CFAP57: variants seen among roughly 807,000 people sequenced by gnomAD.
The protein encoded by CFAP57 is cilia- and flagella-associated protein 57.
A neutral mutation model predicts 146.8 loss-of-function variants in CFAP57; 116 were observed. The observed-to-expected ratio is 0.79, with a 90% CI of 0.68 to 0.92. CFAP57 has a LOEUF of 0.92. CFAP57 is among the 40% of genes least tolerant of loss of function. The pLI is 0.00. For missense variants in CFAP57, 1,377 were observed against 1,527.2 expected, an observed-to-expected ratio of 0.90 and a Z score of 1.64; for synonymous variants, 518 against 552.8, an observed-to-expected ratio of 0.94 and a Z score of 0.88.
rs930287608 is a variant in CFAP57, at chr1:43,243,351, C to G, written c.3530C>G (p.Ser1177Ter). 4 of 1,536,198 alleles carry G rather than the reference C, an allele frequency of 2.6e-6. No homozygotes were observed. The change falls in exon 22 of 23, where the codon TCA becomes TGA. Residue 1177 changes from serine to a stop codon, truncating the protein, a stop_gained. Coordinates refer to ENST00000372492, the MANE Select transcript of CFAP57 (RefSeq NM_001378189.1). LOFTEE classifies it low-confidence loss of function (END_TRUNC). ...LTKKVRPQEV[S>*]ETEPSRDMLS... ...AAGAAAGTCCGACCACAAGAAGTTT[C>G]AGAGACAGGTAATATCACCAGTGGC...
intron 11 of CFAP57, among the ~76,000 whole-genome samples, chr1:43,214,326 C>T (rs1244509952): frequency 6.6e-6 from 1 of 152,188 alleles, no homozygotes; most frequent in Non-Finnish European, 1.5e-5. Context: ...CAGGTCGTCT[C>T]TTCAGTCTGT....
intron 22 of CFAP57, among the ~76,000 whole-genome samples, chr1:43,246,623 T>C (rs982024341): frequency 6.6e-6 from 1 of 152,210 alleles, no homozygotes; most frequent in African/African-American, 2.4e-5. Context: ...TTGGCAATTA[T>C]TTATTTGGCG....
rs1646381335 is a variant in CFAP57 at position 43,253,976 on chromosome 1, G to A, written c.3539-1G>A. 11 of 1,550,354 alleles carry A rather than the reference G, an allele frequency of 7.1e-6. No homozygotes were observed. Among genetic ancestry groups the A allele is most frequent in the South Asian group, 1.2e-5 (1 of 84,048 alleles). On this transcript the variant is annotated splice_acceptor_variant, in intron 22 of 22. Transcript: ENST00000372492. LOFTEE classifies it high-confidence loss of function. ...CACATGAGTCCTGTTGTCTCTTACA[G>A]AACCCAGCAGGGACATGCTCAGCAC...
rs1385774905 is a variant in CFAP57, at chr1:43,199,607, T to A, written c.1542+104T>A. On this transcript the variant is annotated intron_variant, in intron 9 of 22. Coordinates refer to ENST00000372492, the MANE Select transcript of CFAP57 (RefSeq NM_001378189.1). ...AAAAGAGAGATGGTTCCTTTCCTCA[T>A]GGGTTCACTGTCTACTTGGGGAAAG... is the stretch of plus-strand genomic sequence containing the variant. 4.1e-6 allele frequency: 4 copies of A among 986,278 alleles called. No homozygotes were observed. In the East Asian group the frequency reaches 9.7e-5, roughly 24 times the overall value. 61.1% of individuals were successfully genotyped at this position (986,278 alleles called of 1,614,324 possible).
chr1:43,210,948 AAAGT>A (rs1644580510), intron 11 of CFAP57: 1 of 151,750 alleles, frequency 6.6e-6, no homozygotes, highest in Non-Finnish European at 1.5e-5. Flanking sequence ...AAAAAAAAAA[AAAGT>A]AATGTCTATA....
Position 43,209,934 on chromosome 1 carries a change from C to T in CFAP57, c.1929+18C>T. 6.2e-7 allele frequency: 1 copy of T among 1,614,140 alleles called. No individual in the cohort carries two copies. ...TCACCAAGGTGAGCAGGGCCCTCTC[C>T]CCAGGAACCCAGTCCCACACCTGCC... On this transcript the variant is annotated intron_variant, in intron 11 of 22. Transcript: ENST00000372492.
rs557740245 is a variant in CFAP57, at chr1:43,238,180, C to A, written c.3405+3542C>A. ...GGGTTCCAGAAAGATGTCACTGATGCAAGGATTCCAAGTCCATGGAATAAA... is the reference window on the plus strand; with the variant it reads ...GGGTTCCAGAAAGATGTCACTGATGAAAGGATTCCAAGTCCATGGAATAAA... On this transcript the variant is annotated intron_variant, in intron 21 of 22. Transcript: ENST00000372492. The surrounding 1 kb of genome is among the most constrained non-coding windows in gnomAD (Gnocchi z 4.3). Among the ~76,000 whole-genome samples, 15 of 152,246 alleles carry A rather than the reference C, an allele frequency of 9.9e-5. No individual in the cohort carries two copies. In the South Asian group the frequency reaches 1.7e-3, roughly 17 times the overall value.
chr1:43,185,676 T>TAAAAA (rs1643011816), intron 5 of CFAP57, among the ~76,000 whole-genome samples: 1 of 68,576 alleles, frequency 1.5e-5, no homozygotes, highest in African/African-American at 9.0e-5. Flanking sequence ...ACCCCATCTC[T>TAAAAA]ACAAAAAAAA....
chr1:43,186,896 C>T (rs1188471962), intron 6 of CFAP57, 37 bp downstream of exon 6: 36 of 1,613,216 alleles, frequency 2.2e-5, no homozygotes, highest in Non-Finnish European at 2.9e-5. Flanking sequence ...CAGACCAGGA[C>T]CTATCTGCCT....
intron 5 of CFAP57, among the ~76,000 whole-genome samples, chr1:43,185,873 G>A (rs767648628): frequency 1.1e-4 from 17 of 151,194 alleles, no homozygotes; most frequent in African/African-American, 3.2e-4. Flanking sequence ...AGCCAAGATC[G>A]CTCCACTGCA....
At position 43,186,610 on chromosome 1, in the gene CFAP57, CAAAAAA is replaced by C. The variant is rs36219136; in HGVS notation, c.970-79_970-74del. ...TGGGCAAAAGAGCGAGACTCCGTCT[CAAAAAA>C]AAAAAAAAAAAAAAAAAGAAAACTC... is the stretch of plus-strand genomic sequence containing the variant. On this transcript the variant is annotated intron_variant, in intron 5 of 22. Coordinates refer to ENST00000372492, the MANE Select transcript of CFAP57 (RefSeq NM_001378189.1). 5,807 of 747,804 alleles carry C rather than the reference CAAAAAA, an allele frequency of 7.8e-3. 3 individuals carry two copies. The highest frequency in any genetic ancestry group is 0.026 in the East Asian group (784 of 30,270). 46.3% of individuals were successfully genotyped at this position (747,804 alleles called of 1,614,324 possible).
At chr1:43,212,054 G>A (rs1230314663) in intron 11 of CFAP57, among the ~76,000 whole-genome samples, 1 of 152,222 alleles carries the variant, frequency 6.6e-6, no homozygotes, top group Non-Finnish European at 1.5e-5. Flanking sequence ...TATAGGTTTA[G>A]AGGAAATTTT....
At chr1:43,172,494 G>A in intron 1 of CFAP57, 41 bp downstream of exon 1, 2 of 1,511,258 alleles carry the variant, frequency 1.3e-6, no homozygotes, top group Non-Finnish European at 1.8e-6. Flanking sequence ...GGAGCTGGTA[G>A]CAGTGAGGGT....
intron 19 of CFAP57, 59 bp from the exon 20 acceptor site, chr1:43,234,220 C>A: frequency 6.9e-7 from 1 of 1,458,452 alleles, no homozygotes; most frequent in South Asian, 1.4e-5. Flanking sequence ...CTGCCTGCAG[C>A]CCCCGCCCCT....
intron 22 of CFAP57, among the ~76,000 whole-genome samples, chr1:43,246,990 T>G (rs1646135259): frequency 6.6e-6 from 1 of 152,206 alleles, no homozygotes; most frequent in Non-Finnish European, 1.5e-5. Flanking sequence ...ATATCACAGT[T>G]CTTCTTCATT....
At chr1:43,248,684 AT>A (rs920039466) in intron 22 of CFAP57, among the ~76,000 whole-genome samples, 8 of 152,030 alleles carry the variant, frequency 5.3e-5, no homozygotes, top group African/African-American at 1.7e-4. Context: ...AGACAAAATT[AT>A]TTTTTTCTCA....
intron 11 of CFAP57, among the ~76,000 whole-genome samples, chr1:43,214,973 TG>T (rs1237591396): frequency 6.6e-6 from 1 of 152,270 alleles, no homozygotes; most frequent in African/African-American, 2.4e-5. Flanking sequence ...TTGGATTGTT[TG>T]GCTTTTTTAC....
intron 18 of CFAP57, among the ~76,000 whole-genome samples, chr1:43,229,232 A>G (rs1308655587): frequency 6.7e-6 from 1 of 148,956 alleles, no homozygotes; most frequent in Non-Finnish European, 1.5e-5. Flanking sequence ...GTTGTTTGCT[A>G]ATGGTCAGCT....
intron 18 of CFAP57, among the ~76,000 whole-genome samples, chr1:43,227,688 G>A (rs1645301372): frequency 6.6e-6 from 1 of 152,240 alleles, no homozygotes; most frequent in East Asian, 1.9e-4. Context: ...GGGTTTCTGA[G>A]AATCCTGTGA....
Sources: gnomAD v4.1 joint callset for allele counts (sites outside exome capture counted in the v4.1 genomes callset) on GRCh38, gnomAD v4.1.1 for gene constraint, Gnocchi (gnomAD v3.1) non-coding constraint, MANE v1.5 for transcripts, NCBI Gene and HGNC (gene_info 2026-07-23, HGNC 2026-07-21) for gene names.